The following ARHGAP15 variants were observed in gnomAD, a reference collection of about 807,000 sequenced individuals.
ARHGAP15 encodes the protein Rho GTPase activating protein 15.
In ARHGAP15, 51 loss-of-function variants were observed where a neutral mutation model predicts 63.7. The ratio of observed to expected loss-of-function variants is 0.80; its 90% confidence interval spans 0.64 to 1.01. ARHGAP15 has a LOEUF of 1.01. ARHGAP15 is among the 50% of genes least tolerant of loss of function. ARHGAP15 has a pLI of 0.00. For missense variants in ARHGAP15, 560 were observed against 564.6 expected, an observed-to-expected ratio of 0.99 and a Z score of 0.08; for synonymous variants, 191 against 193.8, an observed-to-expected ratio of 0.99 and a Z score of 0.12.
chr2:143,304,832 G>A (rs1683091490), intron 6 of ARHGAP15, among the ~76,000 whole-genome samples: 1 of 152,136 alleles, frequency 6.6e-6, no homozygotes, highest in Admixed American at 6.6e-5. Context: ...AATGACAGAT[G>A]CTGGAGAGGG....
intron 11 of ARHGAP15, among the ~76,000 whole-genome samples, chr2:143,584,015 G>A (rs990601144): frequency 6.6e-6 from 1 of 152,076 alleles, no homozygotes; most frequent in Non-Finnish European, 1.5e-5. Flanking sequence ...ATTCTCCTTT[G>A]ACTGATAGAT....
intron 7 of ARHGAP15, 122 bp from the exon 8 acceptor site, chr2:143,436,791 C>A: frequency 1.1e-6 from 1 of 924,180 alleles, no homozygotes; most frequent in Non-Finnish European, 1.6e-6. Flanking sequence ...CATAGAGGAC[C>A]TATCCTCAAA....
chr2:143,373,023 T>G (rs72852734), intron 6 of ARHGAP15, among the ~76,000 whole-genome samples: 12,641 of 149,824 alleles, frequency 0.084, 725 homozygotes, highest in Non-Finnish European at 0.13. Flanking sequence ...GAGATACACA[T>G]TTAAGCAATT....
chr2:143,445,264 G>A (rs560470098), intron 8 of ARHGAP15, among the ~76,000 whole-genome samples: 54 of 143,280 alleles, frequency 3.8e-4, no homozygotes, highest in Non-Finnish European at 6.4e-4. Flanking sequence ...AAGTTCAAGT[G>A]ATTCTCCTGC....
intron 12 of ARHGAP15, among the ~76,000 whole-genome samples, chr2:143,695,136 AG>A (rs1316615935): frequency 1.3e-5 from 2 of 152,220 alleles, no homozygotes; most frequent in Non-Finnish European, 2.9e-5. Context: ...AAAATAGTAA[AG>A]ACTTTTTTTA....
chr2:143,449,860 T>C (rs1690324097), intron 8 of ARHGAP15, among the ~76,000 whole-genome samples: 1 of 151,856 alleles, frequency 6.6e-6, no homozygotes, highest in Non-Finnish European at 1.5e-5. Flanking sequence ...AATGGGCAAA[T>C]AATCATTCTT....
intron 6 of ARHGAP15, among the ~76,000 whole-genome samples, chr2:143,365,499 A>T (rs552514942): frequency 6.6e-6 from 1 of 152,328 alleles, no homozygotes; most frequent in South Asian, 2.1e-4. Context: ...ATTGTCAGGC[A>T]TATCAGACAT....
chr2:143,600,938 T>C (rs1517913), intron 11 of ARHGAP15, among the ~76,000 whole-genome samples: 149,352 of 152,292 alleles, frequency 0.98, 73,279 homozygotes, highest in East Asian at 1. Context: ...AATGATATTC[T>C]TTAATGCATG....
chr2:143,328,537 G>A (rs1378996173), intron 6 of ARHGAP15, among the ~76,000 whole-genome samples: 1 of 152,086 alleles, frequency 6.6e-6, no homozygotes, highest in East Asian at 1.9e-4. Context: ...TGAACAATGA[G>A]AACACATGGA....
rs776986852 is a variant in ARHGAP15 at position 143,519,304 on chromosome 2, C to T, written c.865C>T (p.Arg289Cys). 1.4e-5 allele frequency: 22 copies of T among 1,613,092 alleles called. No individual in the cohort carries two copies. The highest frequency in any genetic ancestry group is 4.4e-5 in the South Asian group (4 of 91,054). The part of the protein sequence containing the change: ...FGSHLHKVCE[R>C]ENSTVPWFVK... Reference sequence around the variant, plus strand: ...CTCTCATCTGCACAAAGTGTGTGAACGTGAAAATTCCACAGTTCCGTGGTT... The same window carrying T: ...CTCTCATCTGCACAAAGTGTGTGAATGTGAAAATTCCACAGTTCCGTGGTT... Residue 289 changes from arginine (R) to cysteine (C), a missense_variant, in exon 10 of 14, where the codon CGT becomes TGT. Coordinates refer to ENST00000295095, the MANE Select transcript of ARHGAP15 (RefSeq NM_018460.4).
chr2:143,529,506 GATTCAT>G (rs1694431666), intron 10 of ARHGAP15, among the ~76,000 whole-genome samples: 1 of 151,956 alleles, frequency 6.6e-6, no homozygotes, highest in Non-Finnish European at 1.5e-5. Context: ...ATCCTCCAAT[GATTCAT>G]TGATCTCATA....
chr2:143,328,743 G>A (rs117937723), intron 6 of ARHGAP15, among the ~76,000 whole-genome samples: 2,408 of 151,356 alleles, frequency 0.016, 37 homozygotes, highest in South Asian at 0.096. Flanking sequence ...TAAAAAAATA[G>A]GATGAATAAA....
At chr2:143,404,880 C>T (rs141009784) in intron 6 of ARHGAP15, among the ~76,000 whole-genome samples, 344 of 152,044 alleles carry the variant, frequency 2.3e-3, no homozygotes, top group Middle Eastern at 6.8e-3. Flanking sequence ...ATTATTATTA[C>T]TTAGGTAGTG....
chr2:143,401,780 T>A (rs1687997555), intron 6 of ARHGAP15, among the ~76,000 whole-genome samples: 1 of 152,026 alleles, frequency 6.6e-6, no homozygotes, highest in Non-Finnish European at 1.5e-5. Flanking sequence ...ATGTATGAAA[T>A]GAGCTTTTTC....
chr2:143,573,015 C>G (rs1696525031), intron 11 of ARHGAP15, among the ~76,000 whole-genome samples: 1 of 152,004 alleles, frequency 6.6e-6, no homozygotes, highest in South Asian at 2.1e-4. Flanking sequence ...TTTATTCCAT[C>G]TTGTGTGTTT....
intron 6 of ARHGAP15, among the ~76,000 whole-genome samples, chr2:143,344,448 T>C (rs562361540): frequency 6.6e-6 from 1 of 152,234 alleles, no homozygotes; most frequent in South Asian, 2.1e-4. Context: ...TAGGTAGCAG[T>C]ATAGTAGAGT....
intron 13 of ARHGAP15, among the ~76,000 whole-genome samples, chr2:143,721,410 GAAAA>G (rs893310093): frequency 1.3e-4 from 20 of 152,182 alleles, no homozygotes; most frequent in African/African-American, 4.6e-4. Flanking sequence ...ATGGGGAGAA[GAAAA>G]GGTAAAGAAC....
intron 11 of ARHGAP15, among the ~76,000 whole-genome samples, chr2:143,619,190 G>T (rs886777309): frequency 4.6e-5 from 7 of 152,046 alleles, no homozygotes; most frequent in East Asian, 1.9e-4. Context: ...GCTATCAAAG[G>T]TTCATCTTTC....
intron 13 of ARHGAP15, among the ~76,000 whole-genome samples, chr2:143,734,494 C>T (rs1479380138): frequency 6.6e-6 from 1 of 152,136 alleles, no homozygotes. Flanking sequence ...CCCTTTGTTC[C>T]CTCGTAAAAA....
Sources: allele counts gnomAD v4.1 joint callset (sites outside exome capture counted in the v4.1 genomes callset), GRCh38; gene constraint gnomAD v4.1.1; transcripts MANE v1.5; gene names NCBI Gene and HGNC (gene_info 2026-07-23, HGNC 2026-07-21).